The following CTNND2 variants were observed in gnomAD, a reference collection of about 807,000 sequenced individuals.
CTNND2 encodes catenin delta-2.
A neutral mutation model predicts 144.4 loss-of-function variants in CTNND2; 22 were observed. The ratio of observed to expected loss-of-function variants is 0.15; its 90% CI spans 0.11 to 0.22. The LOEUF (loss-of-function observed/expected upper bound fraction) is 0.22, where lower values mean the gene tolerates loss of function less well. CTNND2 is among the 10% of genes least tolerant of loss of function. CTNND2 has a pLI of 1.00. For synonymous variants in CTNND2, 751 were observed against 695.6 expected (o/e 1.08, Z -1.25); for missense variants, 1,353 against 1,618.8 (o/e 0.84, Z 2.82).
intron 18 of CTNND2, among the ~76,000 whole-genome samples, chr5:11,007,806 G>T (rs1740644217): frequency 6.6e-6 from 1 of 152,234 alleles, no homozygotes; most frequent in South Asian, 2.1e-4. Context: ...TGGTGCTGTT[G>T]CACACATAGC....
chr5:11,412,094 A>G (rs1761591103), intron 3 of CTNND2, 25 bp from the exon 4 acceptor site: 1 of 1,590,750 alleles, frequency 6.3e-7, no homozygotes, highest in African/African-American at 1.3e-5. Context: ...ATACAGAGAT[A>G]TAATGCATTG....
At chr5:11,201,395 A>C (rs1322626282) in intron 10 of CTNND2, among the ~76,000 whole-genome samples, 1 of 152,218 alleles carries the variant, frequency 6.6e-6, no homozygotes. Flanking sequence ...CAAACAAACA[A>C]ACAAACAAAC....
intron 9 of CTNND2, among the ~76,000 whole-genome samples, chr5:11,336,655 T>C (rs1252246310): frequency 6.6e-6 from 1 of 152,202 alleles, no homozygotes; most frequent in Non-Finnish European, 1.5e-5. Context: ...TACATGTATA[T>C]ATAAATACAT....
At chr5:11,158,563 C>T (rs1288790337) in intron 12 of CTNND2, among the ~76,000 whole-genome samples, 1 of 152,142 alleles carries the variant, frequency 6.6e-6, no homozygotes, top group South Asian at 2.1e-4. Flanking sequence ...TCTGTGCACA[C>T]ACATTTCACA....
At chr5:11,275,322 C>A (rs1439254414) in intron 9 of CTNND2, among the ~76,000 whole-genome samples, 1 of 152,122 alleles carries the variant, frequency 6.6e-6, no homozygotes, top group Non-Finnish European at 1.5e-5. Flanking sequence ...CCTCCTAATC[C>A]CTGCTCAGAA....
rs757924263 is a variant in CTNND2, at chr5:11,199,544, C to T, written c.1879G>A (p.Asp627Asn). 6.2e-7 allele frequency: 1 copy of T among 1,614,206 alleles called. No homozygotes were observed. The highest frequency in any genetic ancestry group is 2.2e-5 in the East Asian group (1 of 44,882). Residue 627 changes from aspartate (D) to asparagine (N), a missense_variant, in exon 11 of 22, where the codon GAT becomes AAT. By Grantham distance (23) the Asp-to-Asn change is conservative. This residue lies in a region of CTNND2 where 117 missense variants were observed against 117.8 expected (regional missense o/e 0.99). Transcript: ENST00000304623. Reference protein sequence around the residue: ...RNLVYGKANDDNKIALKNCGG... With the variant: ...RNLVYGKANDNNKIALKNCGG... ...CAGTTTTTCAGGGCAATTTTGTTATCATCGTTGGCCTTCCCATACACCAGG... is the reference window on the plus strand; with the variant it reads ...CAGTTTTTCAGGGCAATTTTGTTATTATCGTTGGCCTTCCCATACACCAGG...
chr5:11,605,397 T>C (rs765699631), intron 2 of CTNND2, among the ~76,000 whole-genome samples: 9 of 152,192 alleles, frequency 5.9e-5, no homozygotes, highest in Non-Finnish European at 1.0e-4. Context: ...ATGAAGAAGA[T>C]GGTTTCTCAA....
intron 2 of CTNND2, among the ~76,000 whole-genome samples, chr5:11,584,857 A>G (rs1270737425): frequency 6.6e-6 from 1 of 152,172 alleles, no homozygotes; most frequent in Non-Finnish European, 1.5e-5. Context: ...ACTGAATATG[A>G]TTCTGTAAAA....
chr5:11,204,012 T>C (rs1401211696), intron 10 of CTNND2, among the ~76,000 whole-genome samples: 3 of 152,206 alleles, frequency 2.0e-5, no homozygotes, highest in Non-Finnish European at 4.4e-5. Context: ...AGTGGTTCTT[T>C]GACAAATGAT....
intron 2 of CTNND2, among the ~76,000 whole-genome samples, chr5:11,570,807 T>G (rs1189747040): frequency 6.6e-6 from 1 of 152,122 alleles, no homozygotes; most frequent in Non-Finnish European, 1.5e-5. Context: ...TTCTAAGCAA[T>G]TCTTTTGAAA....
intron 1 of CTNND2, among the ~76,000 whole-genome samples, chr5:11,883,583 A>T (rs1283814293): frequency 6.6e-6 from 1 of 152,110 alleles, no homozygotes; most frequent in Non-Finnish European, 1.5e-5. Flanking sequence ...TCTATCACTG[A>T]TGGGCATTTG....
At chr5:10,986,647 A>G (rs758357590) in intron 20 of CTNND2, 6 of 456,188 alleles carry the variant, frequency 1.3e-5, no homozygotes, top group South Asian at 9.3e-5. Flanking sequence ...CCTAGAGTCC[A>G]TGTAATGAGT....
intron 2 of CTNND2, among the ~76,000 whole-genome samples, chr5:11,573,782 A>G (rs1777762254): frequency 6.6e-6 from 1 of 152,200 alleles, no homozygotes; most frequent in Admixed American, 6.5e-5. Context: ...AACACATTCA[A>G]TAAAATAAAA....
At chr5:11,654,120 C>T (rs373073044) in intron 2 of CTNND2, among the ~76,000 whole-genome samples, 2 of 151,986 alleles carry the variant, frequency 1.3e-5, no homozygotes, top group East Asian at 1.9e-4. Context: ...TATGCCAGTA[C>T]CATATTATTT....
At chr5:11,290,266 G>A (rs1195576692) in intron 9 of CTNND2, among the ~76,000 whole-genome samples, 3 of 152,158 alleles carry the variant, frequency 2.0e-5, no homozygotes, top group Non-Finnish European at 1.5e-5. Context: ...TCTTGAACTA[G>A]GTTATAAACC....
intron 2 of CTNND2, among the ~76,000 whole-genome samples, chr5:11,593,765 T>C (rs554072067): frequency 2.0e-5 from 3 of 152,330 alleles, no homozygotes; most frequent in Admixed American, 2.0e-4. Context: ...TTTTTTCCTT[T>C]TAAATCACCC....
At chr5:11,852,067 T>G (rs1192540097) in intron 1 of CTNND2, among the ~76,000 whole-genome samples, 1 of 152,200 alleles carries the variant, frequency 6.6e-6, no homozygotes, top group South Asian at 2.1e-4. Flanking sequence ...ACCTCTTTAG[T>G]GGCACCCAAC....
chr5:11,316,639 C>A (rs927074729), intron 9 of CTNND2, among the ~76,000 whole-genome samples: 1 of 151,368 alleles, frequency 6.6e-6, no homozygotes, highest in Non-Finnish European at 1.5e-5. Flanking sequence ...TATCCCTCCC[C>A]CTTCCCCCCA....
chr5:11,377,900 T>C (rs1758096030), intron 7 of CTNND2, among the ~76,000 whole-genome samples: 2 of 152,144 alleles, frequency 1.3e-5, no homozygotes, highest in South Asian at 4.1e-4. Context: ...ACAAAAGAAA[T>C]GTTTGATTAC....
Sources: allele counts gnomAD v4.1 joint callset (sites outside exome capture counted in the v4.1 genomes callset), GRCh38; gene constraint gnomAD v4.1.1; regional missense constraint gnomAD v4.1.1; transcripts MANE v1.5; gene names NCBI Gene and HGNC (gene_info 2026-07-23, HGNC 2026-07-21).